The following TTN variants were observed in gnomAD, a reference collection of about 807,000 sequenced individuals.
TTN encodes the protein titin.
A neutral mutation model predicts 3,223.0 loss-of-function variants in TTN; 1,525 were observed. The observed-to-expected ratio is 0.47, with a 90% confidence interval of 0.45 to 0.49. TTN has a LOEUF of 0.49. Ranked by LOEUF, TTN falls within the 20% of genes least tolerant of loss-of-function variation. TTN has a pLI of 0.00. For missense variants in TTN, 40,786 were observed against 43,424.0 expected (o/e 0.94, Z 5.40); for synonymous variants, 14,094 against 15,161.0 (o/e 0.93, Z 5.17).
intron 273 of TTN, 104 bp downstream of exon 273, chr2:178,609,104 T>C (rs2055656867): frequency 3.0e-6 from 4 of 1,340,932 alleles, no homozygotes; most frequent in South Asian, 1.6e-5. Context: ...TGAGGATAAC[T>C]TGCTGAAGCT....
rs1266298136 is a variant in TTN, at chr2:178,665,777, G to A, written c.35890C>T (p.Arg11964Ter). ...TPSPTVPESP[R>*]EIVPVKETPM... ...GTTTCCTTTACAGGGACAATTTCTC[G>A]AGGTGATTCAGGCACTTTAAAGATA... Residue 11964 changes from arginine to a stop codon, truncating the protein, a stop_gained, in exon 164 of 363, where the codon CGA becomes TGA. Transcript: ENST00000589042. LOFTEE classifies it high-confidence loss of function. 109 of 1,294,556 alleles carry A rather than the reference G, an allele frequency of 8.4e-5. No individual in the cohort carries two copies. The highest frequency in any genetic ancestry group is 2.5e-4 in the South Asian group (8 of 32,324). The allele number at this position is 1,294,556 out of a possible 1,614,324, so 80.2% of individuals were successfully genotyped here.
At position 178,574,228 on chromosome 2, in the gene TTN, A is replaced by G. The variant is rs2154171399; in HGVS notation, c.71904T>C (p.Asn23968=). 1.9e-6 allele frequency: 3 copies of G among 1,613,380 alleles called. No homozygotes were observed. The highest frequency in any genetic ancestry group is 2.2e-5 in the East Asian group (1 of 44,726). The change falls in exon 326 of 363, where the codon AAT becomes AAC. Residue 23968 remains asparagine, a synonymous_variant. Transcript: ENST00000589042. ...TGAAGTTGGCCTTCAGCCACCGTCC[A>G]TTAGGAAGGTCTCTCTTTTCAACGA... ...SYIVEKRDLP[N]GRWLKANFSN...
In TTN at chr2:178,557,944, C is replaced by T. The variant is rs1210340832; in HGVS notation, c.87410G>A (p.Arg29137Lys). The T allele has an allele frequency of 1.2e-6, 2 of 1,613,152 alleles. No homozygotes were observed. Among genetic ancestry groups the T allele is most frequent in the African/African-American group, 1.3e-5 (1 of 75,056 alleles). Residue 29137 changes from arginine (R) to lysine (K), a missense_variant, in exon 328 of 363, where the codon AGG (arginine) becomes AAG (lysine). Transcript: ENST00000589042. ...AACAGGGCCAGTTGGAGGACCAGGC[C>T]TGTCTAGCACAACAATGTTAATGAA... is the stretch of plus-strand genomic sequence containing the variant. ...KAFINIVVLD[R>K]PGPPTGPVVI...
intron 29 of TTN, 84 bp from the exon 30 acceptor site, chr2:178,774,557 CT>C: frequency 1.5e-6 from 2 of 1,344,840 alleles, no homozygotes; most frequent in Non-Finnish European, 2.1e-6. Flanking sequence ...TCTTGTATGT[CT>C]TTTATCTCCC....
intron 133 of TTN, among the ~76,000 whole-genome samples, chr2:178,683,695 A>G (rs1372145688): frequency 6.6e-6 from 1 of 152,082 alleles, no homozygotes; most frequent in Non-Finnish European, 1.5e-5. Flanking sequence ...AAATTTCATC[A>G]GAGATTGCCA....
At chr2:178,698,730 G>A in intron 112 of TTN, 113 bp downstream of exon 112, 1 of 952,128 alleles carries the variant, frequency 1.1e-6, no homozygotes, top group East Asian at 2.7e-5. Context: ...GAAGGGAGAG[G>A]TACCATTTTG....
At position 178,634,029 on chromosome 2, in the gene TTN, T is replaced by C; in HGVS notation, c.42470A>G (p.Glu14157Gly). 3 of 1,613,316 alleles carry C rather than the reference T, an allele frequency of 1.9e-6. No individual in the cohort carries two copies. Among genetic ancestry groups the C allele is most frequent in the Non-Finnish European group, 1.7e-6 (2 of 1,179,480 alleles). ...PLEDQTVKEG[E>G]TATFVCELSH... is the part of the protein sequence containing the mutation. Reference sequence around the variant, plus strand: ...AAGTTCACAAACAAAAGTTGCTGTTTCACCTTCTTTTACTGTTTGATCTTC... The same window carrying C: ...AAGTTCACAAACAAAAGTTGCTGTTCCACCTTCTTTTACTGTTTGATCTTC... Residue 14157 changes from glutamate (E) to glycine (G), a missense_variant, in exon 231 of 363, where the codon GAA becomes GGA. Transcript: ENST00000589042. The surrounding 1 kb of genome is among the most constrained non-coding windows in gnomAD (Gnocchi z 4.6).
chr2:178,534,709 C>T lies in TTN; in HGVS notation c.101906G>A (p.Gly33969Glu). 6.2e-7 allele frequency: 1 copy of T among 1,613,752 alleles called. No homozygotes were observed. Among genetic ancestry groups the T allele is most frequent in the Non-Finnish European group, 8.5e-7 (1 of 1,179,776 alleles). ...EFGQARQLKP[G>E]DNFRLLFTAP... ...AGTGAATAGAAGCCTGAAGTTGTCC[C>T]CTGGTTTCAGCTGACGGGCTTGACC... is the stretch of plus-strand genomic sequence containing the variant. Residue 33969 changes from glycine to glutamate, a missense_variant, in exon 358 of 363, where the codon GGG becomes GAG. Physicochemically the swap from Gly to Glu is moderately conservative, Grantham distance 98. Coordinates refer to ENST00000589042, the MANE Select transcript of TTN (RefSeq NM_001267550.2).
Position 178,530,023 on chromosome 2 carries a change from A to C in TTN, c.106468T>G (p.Tyr35490Asp). 1.9e-6 allele frequency: 3 copies of C among 1,610,070 alleles called. No individual in the cohort carries two copies. Among genetic ancestry groups the C allele is most frequent in the Middle Eastern group, 1.7e-4 (1 of 6,054 alleles). ...GCTGAATTTTTTACTGTACAAGTAT[A>C]AAGTCCACTGTCAGAAGTATCAGTC... ...HKTDTSDSGL[Y>D]TCTVKNSAGS... Residue 35490 changes from tyrosine to aspartate, a missense_variant, in exon 359 of 363, where the codon TAT (tyrosine) becomes GAT (aspartate). Transcript: ENST00000589042.
chr2:178,678,005 T>C lies in TTN; in HGVS notation c.33995-88A>G, dbSNP rs1192037525. Reference sequence around the variant, plus strand: ...AGAAGCTTATGAAAGGCAAATATTCTGTGATCACAAAGCATCAATTATTAT... The same window carrying C: ...AGAAGCTTATGAAAGGCAAATATTCCGTGATCACAAAGCATCAATTATTAT... On this transcript the variant is annotated intron_variant, in intron 145 of 362. Coordinates refer to ENST00000589042, the MANE Select transcript of TTN (RefSeq NM_001267550.2). 1.9e-6 allele frequency: 3 copies of C among 1,559,862 alleles called. No homozygotes were observed. In the African/African-American group the frequency reaches 4.2e-5, roughly 22 times the overall value.
Position 178,569,427 on chromosome 2 carries a change from C to G in TTN, c.76705G>C (p.Asp25569His). Residue 25569 changes from aspartate to histidine, a missense_variant, in exon 326 of 363, where the codon GAC becomes CAC. Coordinates refer to ENST00000589042, the MANE Select transcript of TTN (RefSeq NM_001267550.2). ...CCACTATCATATCGGTTGACATTGT[C>G]AAGAACAAGAGAGGTGAAACTGCTA... ...VTSSFTSLVL[D>H]NVNRYDSGKY... 1 of 1,613,266 alleles carries G rather than the reference C, an allele frequency of 6.2e-7. No individual in the cohort carries two copies. Among genetic ancestry groups the G allele is most frequent in the Non-Finnish European group, 8.5e-7 (1 of 1,179,552 alleles).
chr2:178,563,869 T>A lies in TTN; in HGVS notation c.82263A>T (p.Ser27421=). 6.2e-7 allele frequency: 1 copy of A among 1,613,748 alleles called. No individual in the cohort carries two copies. Among genetic ancestry groups the A allele is most frequent in the African/African-American group, 1.3e-5 (1 of 75,026 alleles). The change falls in exon 326 of 363, where the codon TCA becomes TCT. Residue 27421 remains serine, a synonymous_variant. Coordinates refer to ENST00000589042, the MANE Select transcript of TTN (RefSeq NM_001267550.2). The surrounding 1 kb of genome is among the most constrained non-coding windows in gnomAD (Gnocchi z 4.5). ...ETSRLSWTQV[S]TEVQALNYKV... ...TGTAGTTAAGGGCCTGTACCTCAGT[T>A]GAAACCTGGGTCCAAGAGAGTCGGC...
intron 15 of TTN, 82 bp from the exon 16 acceptor site, chr2:178,784,433 T>G: frequency 6.5e-7 from 1 of 1,544,354 alleles, no homozygotes; most frequent in Non-Finnish European, 8.8e-7. Flanking sequence ...CTGAGCCTAT[T>G]TTCTATAAGG....
At position 178,790,762 on chromosome 2, in the gene TTN, T is replaced by A. The variant is rs1012991421; in HGVS notation, c.1746A>T (p.Gly582=). 1 of 1,614,160 alleles carries A rather than the reference T, an allele frequency of 6.2e-7. No homozygotes were observed. Among genetic ancestry groups the A allele is most frequent in the African/African-American group, 1.3e-5 (1 of 75,052 alleles). Residue 582 remains glycine, a synonymous_variant, in exon 11 of 363, where the codon GGA becomes GGT. Coordinates refer to ENST00000589042, the MANE Select transcript of TTN (RefSeq NM_001267550.2). ...GTTGTGTGGTAGTTTCTTCTTGAGC[T>A]CCCGGGACTGTTTCTAGTTTTGTGG... The part of the protein sequence containing the change: ...AKSTKLETVP[G]AQEETTTQQD...
chr2:178,806,082 T>C (rs1001922774), intron 1 of TTN, among the ~76,000 whole-genome samples: 2 of 152,202 alleles, frequency 1.3e-5, no homozygotes, highest in Non-Finnish European at 2.9e-5. Context: ...ATCTTCTTAG[T>C]GATAATTCTG....
chr2:178,735,059 CAT>C (rs750616263), intron 50 of TTN, 71 bp from the exon 51 acceptor site: 6 of 1,442,980 alleles, frequency 4.2e-6, no homozygotes, highest in South Asian at 1.5e-5. Flanking sequence ...GAAAAGTAGA[CAT>C]ATACAACAAA....
chr2:178,751,538 T>C (rs763992061), intron 47 of TTN: 1 of 1,613,278 alleles, frequency 6.2e-7, no homozygotes, highest in African/African-American at 1.3e-5. Flanking sequence ...AACTAAAGCC[T>C]CCACATTTTC....
At position 178,549,572 on chromosome 2, in the gene TTN, T is replaced by C. The variant is rs752118381; in HGVS notation, c.92150A>G (p.Tyr30717Cys). ...DSDPVVAQIQ[Y>C]TVPDAPGIPE... The stretch of plus-strand genomic sequence containing the variant: ...GCTTAGTAAAAACGCAAACTTACTA[T>C]ATTGTATTTGAGCAACCACTGGATC... The change falls in exon 338 of 363, where the codon TAT becomes TGT. Residue 30717 changes from tyrosine (Y) to cysteine (C), a missense_variant and splice_region_variant. Physicochemically the swap from Tyr to Cys is radical, Grantham distance 194. Transcript: ENST00000589042. 6.2e-7 allele frequency: 1 copy of C among 1,611,168 alleles called. No homozygotes were observed. The highest frequency in any genetic ancestry group is 8.5e-7 in the Non-Finnish European group (1 of 1,177,630).
chr2:178,642,398 C>T (rs527551234), intron 218 of TTN, 81 bp from the exon 219 acceptor site: 7 of 1,257,266 alleles, frequency 5.6e-6, no homozygotes, highest in Non-Finnish European at 7.8e-6. Context: ...TCTCCTAAAA[C>T]TAGTTAACTG....
Sources: allele counts gnomAD v4.1 joint callset (sites outside exome capture counted in the v4.1 genomes callset), GRCh38; gene constraint gnomAD v4.1.1; non-coding constraint Gnocchi (gnomAD v3.1); transcripts MANE v1.5; gene names NCBI Gene and HGNC (gene_info 2026-07-23, HGNC 2026-07-21).